APBA1: variants seen among roughly 807,000 people sequenced by gnomAD.
APBA1 encodes amyloid-beta A4 precursor protein-binding family A member 1.
In APBA1, 55 loss-of-function variants were observed where a neutral mutation model predicts 86.6. The ratio of observed to expected loss-of-function variants is 0.64; its 90% CI spans 0.51 to 0.80. The LOEUF is 0.80. Among genes scored for constraint, APBA1 ranks in the 30% least tolerant of loss-of-function variants. The pLI is 0.00. For missense variants in APBA1, 1,090 were observed against 1,183.0 expected (o/e 0.92, Z 1.15); for synonymous variants, 511 against 493.9 (o/e 1.03, Z -0.46).
chr9:69,431,224 T>C lies in APBA1; in HGVS notation c.*103A>G, dbSNP rs1166324526. ...TCTCTTCCTGTGTAAAACCAAATGC[T>C]GGGCGCGAGAGGGGAAAGTCTCAGT... is the stretch of plus-strand genomic sequence containing the variant. On this transcript the variant is annotated 3_prime_UTR_variant, in exon 13 of 13. Transcript: ENST00000265381. 8.4e-6 allele frequency: 7 copies of C among 831,830 alleles called. No homozygotes were observed. Among genetic ancestry groups the C allele is most frequent in the Non-Finnish European group, 1.3e-5 (7 of 546,598 alleles). 51.5% of individuals were successfully genotyped at this position (831,830 alleles called of 1,614,324 possible).
chr9:69,434,149 G>A (rs1834654216), intron 11 of APBA1, among the ~76,000 whole-genome samples: 1 of 152,216 alleles, frequency 6.6e-6, no homozygotes, highest in Non-Finnish European at 1.5e-5. Flanking sequence ...GCCGGCCCCT[G>A]CACTGTACAG....
intron 1 of APBA1, among the ~76,000 whole-genome samples, chr9:69,627,111 A>G (rs932307312): frequency 2.0e-5 from 3 of 152,172 alleles, no homozygotes; most frequent in African/African-American, 4.8e-5. Context: ...AAAGCAGGTC[A>G]TTAGAAAGAA....
intron 6 of APBA1, 97 bp from the exon 7 acceptor site, chr9:69,457,236 C>T: frequency 1.1e-6 from 1 of 887,930 alleles, no homozygotes; most frequent in Admixed American, 1.8e-5. Context: ...CACCACGACA[C>T]AGTCACCAGA....
chr9:69,474,426 A>T (rs1025503093), intron 3 of APBA1: 1 of 152,244 alleles, frequency 6.6e-6, no homozygotes. Flanking sequence ...GAATTATTTT[A>T]AGAATTAAAT....
chr9:69,627,244 T>C (rs1232691573), intron 1 of APBA1, among the ~76,000 whole-genome samples: 1 of 152,158 alleles, frequency 6.6e-6, no homozygotes, highest in Non-Finnish European at 1.5e-5. Context: ...TGCCTTTTTG[T>C]TGTTGTTGTC....
At chr9:69,433,836 G>A (rs1449454750) in intron 11 of APBA1, among the ~76,000 whole-genome samples, 2 of 136,876 alleles carry the variant, frequency 1.5e-5, no homozygotes, top group African/African-American at 5.7e-5. Flanking sequence ...TTTTAAGACA[G>A]AGTCTTGCTC....
intron 10 of APBA1, among the ~76,000 whole-genome samples, chr9:69,443,389 T>G (rs914352584): frequency 2.0e-5 from 3 of 152,222 alleles, no homozygotes; most frequent in Non-Finnish European, 4.4e-5. Context: ...AATTTACTAG[T>G]CACACCTGCA....
intron 1 of APBA1, among the ~76,000 whole-genome samples, chr9:69,571,933 A>T (rs1426191669): frequency 6.6e-6 from 1 of 152,226 alleles, no homozygotes; most frequent in East Asian, 1.9e-4. Flanking sequence ...CTAAGGGCAC[A>T]GGCATAGGAG....
chr9:69,441,192 G>C, intron 10 of APBA1, 77 bp from the exon 11 acceptor site: 1 of 1,526,470 alleles, frequency 6.6e-7, no homozygotes, highest in Non-Finnish European at 8.8e-7. Flanking sequence ...CAGCACCAAA[G>C]GCAAAAGAAG....
At chr9:69,575,040 C>A (rs976265385) in intron 1 of APBA1, among the ~76,000 whole-genome samples, 1 of 152,092 alleles carries the variant, frequency 6.6e-6, no homozygotes, top group Non-Finnish European at 1.5e-5. Context: ...CCTCAGCCTC[C>A]CAAGTAGCTC....
chr9:69,571,533 C>T (rs550681232), intron 1 of APBA1, among the ~76,000 whole-genome samples: 11 of 152,070 alleles, frequency 7.2e-5, no homozygotes, highest in Non-Finnish European at 1.6e-4. Context: ...CACATACATA[C>T]ACATAGATGG....
chr9:69,571,199 T>C (rs982213847), intron 1 of APBA1, among the ~76,000 whole-genome samples: 6 of 152,144 alleles, frequency 3.9e-5, no homozygotes, highest in Non-Finnish European at 7.4e-5. Context: ...GGGTTGAAAA[T>C]CTTTAAAAAA....
chr9:69,516,606 CCT>C lies in APBA1; in HGVS notation c.603_604del (p.Ile201MetfsTer94). On this transcript the variant is annotated frameshift_variant, in exon 2 of 13. Transcript: ENST00000265381. LOFTEE classifies it high-confidence loss of function. This position sits in a 1 kb window ranked among gnomAD's most constrained non-coding sequence, Gnocchi z 7.3. The stretch of plus-strand genomic sequence containing the variant: ...GCGTGCGTCCAGCTCGGGCGCGTCC[CCT>C]ATCTCCTCGTACACGTGCTCCTGGA... The C allele has an allele frequency of 3.1e-6, 5 of 1,605,880 alleles. No individual in the cohort carries two copies. Among genetic ancestry groups the C allele is most frequent in the Non-Finnish European group, 4.2e-6 (5 of 1,179,210 alleles).
intron 1 of APBA1, among the ~76,000 whole-genome samples, chr9:69,653,829 C>G (rs2134018325): frequency 6.6e-6 from 1 of 152,126 alleles, no homozygotes; most frequent in African/African-American, 2.4e-5. Flanking sequence ...AAGTTTAGAC[C>G]AGGTGTGGTG....
Position 69,644,042 on chromosome 9 carries a change from C to A in APBA1, c.-70+28111G>T, listed in dbSNP as rs142990377. Reference sequence around the variant, plus strand: ...GCCTTGGTTCAAATGGCCAGGCCTTCCTTGACCACTACAACCCGATGTCAC... The same window carrying A: ...GCCTTGGTTCAAATGGCCAGGCCTTACTTGACCACTACAACCCGATGTCAC... On this transcript the variant is annotated intron_variant, in intron 1 of 12. Coordinates refer to ENST00000265381, the MANE Select transcript of APBA1 (RefSeq NM_001163.4). Among the ~76,000 whole-genome samples, 435 of 152,328 alleles carry A rather than the reference C, an allele frequency of 2.9e-3. 1 individual carries two copies. Among genetic ancestry groups the A allele is most frequent in the Non-Finnish European group, 4.9e-3 (332 of 68,040 alleles).
chr9:69,656,564 G>C (rs1823615941), intron 1 of APBA1, among the ~76,000 whole-genome samples: 1 of 152,188 alleles, frequency 6.6e-6, no homozygotes, highest in African/African-American at 2.4e-5. Context: ...TTCTGAAAGT[G>C]GTTGATATTG....
At chr9:69,655,774 A>C (rs1823596134) in intron 1 of APBA1, among the ~76,000 whole-genome samples, 1 of 151,776 alleles carries the variant, frequency 6.6e-6, no homozygotes, top group Non-Finnish European at 1.5e-5. Context: ...GATCTTGAGA[A>C]AAAGAACTAA....
intron 12 of APBA1, among the ~76,000 whole-genome samples, 154 bp downstream of exon 12, chr9:69,432,382 T>C (rs1272585321): frequency 2.2e-4 from 34 of 152,096 alleles, no homozygotes; most frequent in Admixed American, 2.2e-3. Context: ...GGGTTTGGCA[T>C]TTGGTCAGAG....
intron 1 of APBA1, among the ~76,000 whole-genome samples, chr9:69,593,606 T>A (rs74645807): frequency 6.6e-6 from 1 of 152,188 alleles, no homozygotes; most frequent in Admixed American, 6.5e-5. Flanking sequence ...TGCCAGCACA[T>A]GCCTGAAGCA....
Sources: gnomAD v4.1 joint callset for allele counts (sites outside exome capture counted in the v4.1 genomes callset) on GRCh38, gnomAD v4.1.1 for gene constraint, Gnocchi (gnomAD v3.1) non-coding constraint, MANE v1.5 for transcripts, NCBI Gene and HGNC (gene_info 2026-07-23, HGNC 2026-07-21) for gene names.